ANKHD1: variants seen among roughly 807,000 people sequenced by gnomAD.
The protein encoded by ANKHD1 is ankyrin repeat and KH domain containing 1, also known as ankyrin repeat and KH domain-containing protein 1.
A neutral mutation model predicts 230.5 loss-of-function variants in ANKHD1; 31 were observed. That is an observed-to-expected ratio of 0.13 (90% confidence interval 0.10 to 0.18). ANKHD1 has a LOEUF of 0.18. ANKHD1 is among the 10% of genes least tolerant of loss of function. The pLI is 1.00. For synonymous variants in ANKHD1, 1,074 were observed against 1,117.6 expected, an observed-to-expected ratio of 0.96 and a Z score of 0.78; for missense variants, 2,256 against 3,071.3, an observed-to-expected ratio of 0.73 and a Z score of 6.27.
chr5:140,432,633 T>A (rs1313784323), intron 1 of ANKHD1, among the ~76,000 whole-genome samples: 2 of 152,340 alleles, frequency 1.3e-5, no homozygotes, highest in South Asian at 4.1e-4. Flanking sequence ...TATGTTTAAC[T>A]TTTGAAGAAC....
Position 140,496,547 on chromosome 5 carries a change from T to G in ANKHD1, c.2273T>G (p.Leu758Arg). 1 of 1,491,940 alleles carries G rather than the reference T, an allele frequency of 6.7e-7. No homozygotes were observed. The allele number at this position is 1,491,940 out of a possible 1,614,324, so 92.4% of individuals were successfully genotyped here. A position where few individuals can be genotyped will look rare whatever the true frequency, so the allele number is the denominator to read the frequency against. Residue 758 changes from leucine (L) to arginine (R), a missense_variant, in exon 15 of 34, where the codon CTC becomes CGC. Around this residue, in one of 13 missense-constraint regions of ANKHD1, gnomAD observed 358 missense variants for 397.7 expected, o/e 0.90. Coordinates refer to ENST00000360839, the MANE Select transcript of ANKHD1 (RefSeq NM_017747.3). ...KGTSKQKSSS[L>R]QVADQDLLPS... ...ACATCCAAGCAGAAGTCCAGTTCCCTCCAGGTAGCAGATCAGGACCTACTG... is the reference window on the plus strand; with the variant it reads ...ACATCCAAGCAGAAGTCCAGTTCCCGCCAGGTAGCAGATCAGGACCTACTG...
rs762529651 is a variant in ANKHD1, at chr5:140,459,219, T to C, written c.1536T>C (p.Ala512=). The C allele has an allele frequency of 1.9e-6, 3 of 1,601,318 alleles. No individual in the cohort carries two copies. In the East Asian group the frequency reaches 6.7e-5, roughly 36 times the overall value. ...EETQETALTL[A]CCGGFSEVAD... is the part of the protein sequence containing the mutation. ...CTCAAGAAACTGCTCTTACTTTGGC[T>C]TGCTGTGGAGGATTTTCTGAAGTTG... The change falls in exon 9 of 34, where the codon GCT becomes GCC. Residue 512 remains alanine (A), a synonymous_variant. Transcript: ENST00000360839.
Position 140,535,448 on chromosome 5 carries a change from G to C in ANKHD1, c.6937G>C (p.Val2313Leu), listed in dbSNP as rs1241739295. The C allele has an allele frequency of 6.2e-7, 1 of 1,613,774 alleles. No homozygotes were observed. Among genetic ancestry groups the C allele is most frequent in the Admixed American group, 1.7e-5 (1 of 59,960 alleles). Residue 2313 changes from valine (V) to leucine (L), a missense_variant, in exon 30 of 34, where the codon GTT becomes CTT. Val to Leu is a conservative substitution (Grantham distance 32). Transcript: ENST00000360839. ...ASFSGIPGTR[V>L]FLQGPAPVGT... ...TTTTTCCGGCATACCAGGAACAAGG[G>C]TTTTCCTGCAAGGGCCAGCTCCTGT...
chr5:140,486,413 G>A (rs916651128), intron 13 of ANKHD1, among the ~76,000 whole-genome samples: 1 of 152,112 alleles, frequency 6.6e-6, no homozygotes, highest in Non-Finnish European at 1.5e-5. Context: ...TTATCCTAGA[G>A]ATAGTGACTT....
At chr5:140,475,499 T>C (rs1446689862) in intron 10 of ANKHD1, among the ~76,000 whole-genome samples, 1 of 152,140 alleles carries the variant, frequency 6.6e-6, no homozygotes, top group Non-Finnish European at 1.5e-5. Flanking sequence ...TATCTAGGGT[T>C]ATGGTTAGAA....
At chr5:140,411,256 C>G (rs1371874452) in intron 1 of ANKHD1, among the ~76,000 whole-genome samples, 1 of 152,132 alleles carries the variant, frequency 6.6e-6, no homozygotes, top group African/African-American at 2.4e-5. Context: ...ATTTGGGACC[C>G]TGGATAAAAG....
At position 140,401,885 on chromosome 5, in the gene ANKHD1, C is replaced by T. The variant is rs1425067295; in HGVS notation, c.-83C>T. The T allele has an allele frequency of 2.7e-6, 4 of 1,479,366 alleles. No individual in the cohort carries two copies. The Admixed American group carries it at 8.0e-5, about 29-fold the overall frequency. 91.6% of individuals were successfully genotyped at this position (1,479,366 alleles called of 1,614,324 possible). On this transcript the variant is annotated 5_prime_UTR_variant, in exon 1 of 34. Transcript: ENST00000360839. Reference sequence around the variant, plus strand: ...CGGGGGAAAGGAGACGCTTCTTCCTCTTGCTGCTCTTCTCGTTCCCGAGAT... The same window carrying T: ...CGGGGGAAAGGAGACGCTTCTTCCTTTTGCTGCTCTTCTCGTTCCCGAGAT...
At chr5:140,404,675 T>G (rs1770271373) in intron 1 of ANKHD1, among the ~76,000 whole-genome samples, 1 of 151,832 alleles carries the variant, frequency 6.6e-6, no homozygotes, top group Admixed American at 6.6e-5. Flanking sequence ...CCTCAGGTGA[T>G]CGCCCTCTCA....
intron 1 of ANKHD1, among the ~76,000 whole-genome samples, chr5:140,426,528 A>ATTT (rs1297910256): frequency 1.3e-5 from 2 of 151,002 alleles, no homozygotes; most frequent in Non-Finnish European, 2.9e-5. Context: ...TTATTTATTT[A>ATTT]TTTTTTTATT....
chr5:140,517,608 A>G (rs1279650892), intron 24 of ANKHD1, among the ~76,000 whole-genome samples: 2 of 100,762 alleles, frequency 2.0e-5, no homozygotes, highest in Non-Finnish European at 4.0e-5. Context: ...CCACAGTGCA[A>G]TCAAACTAGA....
chr5:140,406,865 C>T (rs1293962045), intron 1 of ANKHD1, among the ~76,000 whole-genome samples: 1 of 151,378 alleles, frequency 6.6e-6, no homozygotes, highest in Non-Finnish European at 1.5e-5. Flanking sequence ...GGGGTAAATA[C>T]CTGCTTCGTA....
chr5:140,524,463 G>A (rs1370276705), intron 25 of ANKHD1, among the ~76,000 whole-genome samples: 4 of 152,224 alleles, frequency 2.6e-5, no homozygotes, highest in Non-Finnish European at 5.9e-5. Context: ...AAATTCAGTT[G>A]TAATTTAAGT....
chr5:140,486,891 G>A, intron 13 of ANKHD1, 67 bp from the exon 14 acceptor site: 1 of 1,491,326 alleles, frequency 6.7e-7, no homozygotes. Context: ...CAGGATATCT[G>A]TTTCATTTAT....
chr5:140,438,907 C>G (rs987340754), intron 3 of ANKHD1, among the ~76,000 whole-genome samples: 6 of 152,136 alleles, frequency 3.9e-5, no homozygotes, highest in African/African-American at 1.4e-4. Context: ...AAGGAAGTTA[C>G]TTATTCTAAA....
rs1771621094 is a variant in ANKHD1, at chr5:140,418,805, A to T, written c.306+16532A>T. Among the ~76,000 whole-genome samples, 3 of 152,164 alleles carry T rather than the reference A, an allele frequency of 2.0e-5. No homozygotes were observed. In the South Asian group the frequency reaches 6.2e-4, roughly 32 times the overall value. ...CAGTGCAGTGGGGCAGTCATATCTC[A>T]TTGCAGCCTCCAGTTCTTGGGCTCA... On this transcript the variant is annotated intron_variant, in intron 1 of 33. Transcript: ENST00000360839.
intron 24 of ANKHD1, among the ~76,000 whole-genome samples, chr5:140,519,064 A>T (rs1753188783): frequency 6.6e-6 from 1 of 152,242 alleles, no homozygotes; most frequent in Non-Finnish European, 1.5e-5. Flanking sequence ...AATCTCCTTA[A>T]GCTGATAAGC....
At chr5:140,509,590 TAAAAAA>T in intron 20 of ANKHD1, 41 bp from the exon 21 acceptor site, 1 of 1,461,724 alleles carries the variant, frequency 6.8e-7, no homozygotes, top group Non-Finnish European at 9.0e-7. Flanking sequence ...ACGGAATAGT[TAAAAAA>T]AGAAATGTAA....
chr5:140,441,198 A>G, intron 5 of ANKHD1, 56 bp downstream of exon 5: 1 of 1,431,460 alleles, frequency 7.0e-7, no homozygotes, highest in South Asian at 1.6e-5. Flanking sequence ...TTATTACCTG[A>G]GAGAGAGAAA....
In ANKHD1 at chr5:140,506,242, A is replaced by G. The variant is rs770185678; in HGVS notation, c.3408+373A>G. ...TGCCTGGCCCTGCACGTATTTTAACATGTTCCATATACTTTCTGAGGAATG... is the reference window on the plus strand; with the variant it reads ...TGCCTGGCCCTGCACGTATTTTAACGTGTTCCATATACTTTCTGAGGAATG... On this transcript the variant is annotated intron_variant, in intron 18 of 33. Coordinates refer to ENST00000360839, the MANE Select transcript of ANKHD1 (RefSeq NM_017747.3). The surrounding 1 kb of genome is among the most constrained non-coding windows in gnomAD (Gnocchi z 4.7). Among the ~76,000 whole-genome samples, 2 of 151,994 alleles carry G rather than the reference A, an allele frequency of 1.3e-5. No individual in the cohort carries two copies. The highest frequency in any genetic ancestry group is 2.9e-5 in the Non-Finnish European group (2 of 68,028).
Sources: gnomAD v4.1 joint callset for allele counts (sites outside exome capture counted in the v4.1 genomes callset) on GRCh38, gnomAD v4.1.1 for gene constraint, gnomAD v4.1.1 regional missense constraint, Gnocchi (gnomAD v3.1) non-coding constraint, MANE v1.5 for transcripts, NCBI Gene and HGNC (gene_info 2026-07-23, HGNC 2026-07-21) for gene names.